Variants in TIAM1 observed in about 807,000 individuals in gnomAD.
TIAM1 encodes TIAM Rac1 associated GEF 1.
TIAM1 carries 65 observed loss-of-function variants against 163.5 expected under a neutral mutation model. That is an observed-to-expected ratio of 0.40 (90% confidence interval 0.33 to 0.49). TIAM1 has a LOEUF of 0.49. TIAM1 is among the 20% of genes least tolerant of loss of function. TIAM1 has a pLI of 0.77. For synonymous variants in TIAM1, 833 were observed against 810.1 expected (o/e 1.03, Z -0.48); for missense variants, 1,789 against 2,044.7 (o/e 0.87, Z 2.41).
In TIAM1 at chr21:31,426,023, G is replaced by A. The variant is rs118043018; in HGVS notation, c.-369+37960C>T. Reference sequence around the variant, plus strand: ...GCTGGGATTACAGGCGTAAACCACCGCGCCCAGACCATTTTAATAGTTTTT... The same window carrying A: ...GCTGGGATTACAGGCGTAAACCACCACGCCCAGACCATTTTAATAGTTTTT... On this transcript the variant is annotated intron_variant, in intron 2 of 28. Transcript: ENST00000286827. Among the ~76,000 whole-genome samples the A allele has an allele frequency of 8.6e-4, 131 of 152,130 alleles. 1 individual carries two copies. The East Asian group carries it at 9.7e-3, about 11-fold the overall frequency.
chr21:31,341,075 T>C (rs1422438022), intron 1 of TIAM1, among the ~76,000 whole-genome samples: 2 of 152,022 alleles, frequency 1.3e-5, no homozygotes, highest in African/African-American at 4.8e-5. Context: ...AGTGGAAAGG[T>C]TGGAGGTAGG....
At chr21:31,461,310 C>G (rs1273824067) in intron 2 of TIAM1, among the ~76,000 whole-genome samples, 1 of 151,924 alleles carries the variant, frequency 6.6e-6, no homozygotes, top group South Asian at 2.1e-4. Context: ...ATGGTGTAAC[C>G]CCGTCTCTAC....
chr21:31,198,860 G>T (rs927303813), intron 12 of TIAM1, among the ~76,000 whole-genome samples: 2 of 152,044 alleles, frequency 1.3e-5, no homozygotes, highest in Non-Finnish European at 2.9e-5. Flanking sequence ...AGACAGGCCC[G>T]CTGGCCACAA....
chr21:31,130,539 A>G (rs531803856), intron 24 of TIAM1, among the ~76,000 whole-genome samples: 1 of 152,284 alleles, frequency 6.6e-6, no homozygotes, highest in South Asian at 2.1e-4. Flanking sequence ...AAATGCAGTG[A>G]AGAGAGACAC....
chr21:31,153,487 A>C (rs892662057), intron 17 of TIAM1, among the ~76,000 whole-genome samples: 1 of 152,176 alleles, frequency 6.6e-6, no homozygotes, highest in Non-Finnish European at 1.5e-5. Context: ...ATTTGACCTG[A>C]GAGCCGTCGT....
At chr21:31,130,170 C>A (rs766239692) in intron 25 of TIAM1, 43 bp downstream of exon 25, 7 of 1,490,678 alleles carry the variant, frequency 4.7e-6, no homozygotes, top group Non-Finnish European at 6.5e-6. Flanking sequence ...CTACACACAT[C>A]AGAAATATGT....
chr21:31,370,345 A>C (rs2076575077), intron 2 of TIAM1, among the ~76,000 whole-genome samples: 1 of 152,134 alleles, frequency 6.6e-6, no homozygotes, highest in African/African-American at 2.4e-5. Context: ...TTTTCTTTTT[A>C]TTTTTTGAAC....
At chr21:31,124,140 C>T (rs566905827) in intron 27 of TIAM1, 34 of 174,952 alleles carry the variant, frequency 1.9e-4, no homozygotes, top group African/African-American at 6.9e-4. Context: ...ATGTGACACA[C>T]GGCTTTCTGC....
At chr21:31,255,275 T>C (rs2072033060) in intron 4 of TIAM1, among the ~76,000 whole-genome samples, 1 of 152,144 alleles carries the variant, frequency 6.6e-6, no homozygotes, top group South Asian at 2.1e-4. Flanking sequence ...TCAGGCTCAG[T>C]GGTACACATG....
Position 31,154,517 on chromosome 21 carries a change from G to A in TIAM1, c.2992-91C>T, listed in dbSNP as rs2083529040. 6 of 1,347,640 alleles carry A rather than the reference G, an allele frequency of 4.5e-6. No homozygotes were observed. The East Asian group carries it at 1.2e-4, about 26-fold the overall frequency. The allele number at this position is 1,347,640 out of a possible 1,614,324, so 83.5% of individuals were successfully genotyped here. ...GGACCGCCTAGAGGTGTTCTCCCTG[G>A]TTAGTCAACTGTCACATATGAATGT... On this transcript the variant is annotated intron_variant, in intron 16 of 27. Transcript: ENST00000541036.
At chr21:31,429,467 A>G (rs998861660) in intron 2 of TIAM1, among the ~76,000 whole-genome samples, 1 of 152,190 alleles carries the variant, frequency 6.6e-6, no homozygotes, top group African/African-American at 2.4e-5. Flanking sequence ...CCACTGCAGT[A>G]TTTCCTAAGA....
chr21:31,482,009 G>A (rs536939380), intron 1 of TIAM1, among the ~76,000 whole-genome samples: 44 of 151,312 alleles, frequency 2.9e-4, no homozygotes, highest in Middle Eastern at 3.4e-3. Context: ...ACATTCCATC[G>A]CTCCAGAGAT....
At chr21:31,247,351 T>C (rs2071557916) in intron 5 of TIAM1, among the ~76,000 whole-genome samples, 1 of 152,094 alleles carries the variant, frequency 6.6e-6, no homozygotes, top group African/African-American at 2.4e-5. Flanking sequence ...TATTGCTTAT[T>C]GTTAAAAAAT....
chr21:31,464,908 G>A (rs1326611293), intron 1 of TIAM1, among the ~76,000 whole-genome samples: 1 of 151,392 alleles, frequency 6.6e-6, no homozygotes, highest in East Asian at 1.9e-4. Context: ...ACTTTGAGAG[G>A]CTGAGACACG....
intron 6 of TIAM1, among the ~76,000 whole-genome samples, chr21:31,233,966 C>T (rs77742813): frequency 0.06 from 9,067 of 152,230 alleles, 384 homozygotes; most frequent in Middle Eastern, 0.13. Flanking sequence ...CACAAATAAT[C>T]GTCAACCGGA....
At chr21:31,452,283 C>T (rs998764816) in intron 2 of TIAM1, among the ~76,000 whole-genome samples, 5 of 152,138 alleles carry the variant, frequency 3.3e-5, no homozygotes, top group African/African-American at 1.2e-4. Context: ...ACTAAAAATA[C>T]AAAATGTTGG....
At chr21:31,184,328 A>G (rs186773008) in intron 14 of TIAM1, among the ~76,000 whole-genome samples, 1 of 151,970 alleles carries the variant, frequency 6.6e-6, no homozygotes, top group Non-Finnish European at 1.5e-5. Context: ...CTGGTCTGGA[A>G]CTCCTCACCT....
At chr21:31,243,003 A>C (rs2071278394) in intron 6 of TIAM1, among the ~76,000 whole-genome samples, 1 of 150,908 alleles carries the variant, frequency 6.6e-6, no homozygotes, top group South Asian at 2.1e-4. Flanking sequence ...CCTGACTAAC[A>C]TGGAGAAACC....
chr21:31,309,019 A>G (rs1245592493), intron 2 of TIAM1, among the ~76,000 whole-genome samples: 1 of 142,454 alleles, frequency 7.0e-6, no homozygotes, highest in Non-Finnish European at 1.5e-5. Context: ...GGGCCTTACA[A>G]GCTCAATGAC....
Sources: allele counts gnomAD v4.1 joint callset (sites outside exome capture counted in the v4.1 genomes callset), GRCh38; gene constraint gnomAD v4.1.1; transcripts MANE v1.5; gene names NCBI Gene and HGNC (gene_info 2026-07-23, HGNC 2026-07-21).